Variants in FDXR observed in about 807,000 individuals in gnomAD.
The protein encoded by FDXR is ferredoxin reductase.
A neutral mutation model predicts 58.3 loss-of-function variants in FDXR; 38 were observed. The observed-to-expected ratio is 0.65, with a 90% CI of 0.50 to 0.85. FDXR has a LOEUF of 0.85. Among genes scored for constraint, FDXR ranks in the 40% least tolerant of loss-of-function variants. FDXR has a pLI of 0.00. For synonymous variants in FDXR, 275 were observed against 273.8 expected (o/e 1.00, Z -0.04); for missense variants, 624 against 671.0 (o/e 0.93, Z 0.77).
chr17:74,870,194 G>A (rs1282348936), intron 2 of FDXR: 2 of 283,858 alleles, frequency 7.0e-6, no homozygotes, highest in Admixed American at 3.7e-5. Flanking sequence ...GCATGTGCAC[G>A]TGTCTGCCAG....
rs982489458 is a variant in FDXR, at chr17:74,863,921, C to T, written c.1149G>A (p.Val383=). Residue 383 remains valine, a synonymous_variant, in exon 10 of 12, where the codon GTG becomes GTA. Transcript: ENST00000293195. ...FDSKLGVIPN[V]EGRVMDVPGL... ...CTGGCACATCCATAACCCGGCCCTC[C>T]ACATTGGGGATGACCCCAAGCTTGG... 2 of 1,613,714 alleles carry T rather than the reference C, an allele frequency of 1.2e-6. No individual in the cohort carries two copies. The highest frequency in any genetic ancestry group is 1.7e-6 in the Non-Finnish European group (2 of 1,179,776).
chr17:74,872,707 C>A, intron 1 of FDXR, 159 bp downstream of exon 1: 1 of 1,469,506 alleles, frequency 6.8e-7, no homozygotes, highest in Admixed American at 2.2e-5. Context: ...ACGCACAGAT[C>A]TCCGCCCACC....
At position 74,866,547 on chromosome 17, in the gene FDXR, G is replaced by A; in HGVS notation, c.292C>T (p.Gln98Ter). 2 of 1,613,622 alleles carry A rather than the reference G, an allele frequency of 1.2e-6. No homozygotes were observed. Among genetic ancestry groups the A allele is most frequent in the Non-Finnish European group, 1.7e-6 (2 of 1,180,024 alleles). The change falls in exon 4 of 12, where the codon CAG becomes TAG. Residue 98 changes from glutamine to a stop codon, truncating the protein, a stop_gained. Transcript: ENST00000293195. LOFTEE classifies it high-confidence loss of function. ...EVKNVINTFT[Q>*]TAHSGRCAFW... is the part of the protein sequence containing the mutation. The stretch of plus-strand genomic sequence containing the variant: ...GCACAGCGGCCAGAATGGGCCGTCT[G>A]GGTAAATGTGTTGATGACATTCTGC...
At chr17:74,863,315 C>CCCCCG in intron 10 of FDXR, 69 bp from the exon 11 acceptor site, 1 of 1,412,938 alleles carries the variant, frequency 7.1e-7, no homozygotes, top group Non-Finnish European at 9.6e-7. Context: ...CCTGTGCCCA[C>CCCCCG]AATCTACACC....
At position 74,862,701 on chromosome 17, in the gene FDXR, T is replaced by G; in HGVS notation, c.*116A>C. The G allele has an allele frequency of 7.2e-7, 1 of 1,396,594 alleles. No individual in the cohort carries two copies. The highest frequency in any genetic ancestry group is 2.4e-5 in the East Asian group (1 of 42,108). The allele number at this position is 1,396,594 out of a possible 1,614,324, so 86.5% of individuals were successfully genotyped here. ...GAGACGCTGGAAGAGCAGCCAAGCC[T>G]CCAAGCCAGGGCCGGCCGGGATCAG... On this transcript the variant is annotated 3_prime_UTR_variant, in exon 12 of 12. Transcript: ENST00000293195.
rs769231215 is a variant in FDXR at position 74,864,587 on chromosome 17, G to T, written c.718-23C>A. 8.1e-6 allele frequency: 13 copies of T among 1,603,406 alleles called. No individual in the cohort carries two copies. In the East Asian group the frequency reaches 2.2e-4, roughly 28 times the overall value. On this transcript the variant is annotated intron_variant, in intron 7 of 11. Transcript: ENST00000293195. ...CTCCTTGAAGGTGGGAGCAGGGAATGGGGGAGGAGGTCAGGCCCAGAACAC... is the reference window on the plus strand; with the variant it reads ...CTCCTTGAAGGTGGGAGCAGGGAATTGGGGAGGAGGTCAGGCCCAGAACAC...
At chr17:74,864,645 A>G in intron 7 of FDXR, 81 bp from the exon 8 acceptor site, 1 of 1,452,114 alleles carries the variant, frequency 6.9e-7, no homozygotes. Flanking sequence ...GGTCCAGCCC[A>G]GGCAGGAGAG....
intron 1 of FDXR, chr17:74,872,656 T>C (rs2038412107): frequency 8.9e-7 from 1 of 1,119,286 alleles, no homozygotes; most frequent in Admixed American, 2.7e-5. Context: ...CCTTTTCACC[T>C]TTGTTGACCT....
Position 74,862,646 on chromosome 17 carries a change from C to A in FDXR, c.*171G>T. 1 of 926,970 alleles carries A rather than the reference C, an allele frequency of 1.1e-6. No individual in the cohort carries two copies. 57.4% of individuals were successfully genotyped at this position (926,970 alleles called of 1,614,324 possible). A position where few individuals can be genotyped will look rare whatever the true frequency, so the allele number is the denominator to read the frequency against. Reference sequence around the variant, plus strand: ...AGTTGCTGAAAGCTAAAACCTTGCGCGCAAGGGCGACCTTCCCCAGGAGGG... The same window carrying A: ...AGTTGCTGAAAGCTAAAACCTTGCGAGCAAGGGCGACCTTCCCCAGGAGGG... On this transcript the variant is annotated 3_prime_UTR_variant, in exon 12 of 12. Coordinates refer to ENST00000293195, the MANE Select transcript of FDXR (RefSeq NM_024417.5).
At chr17:74,864,377 G>A (rs1198446716) in intron 8 of FDXR, 30 bp from the exon 9 acceptor site, 7 of 1,589,282 alleles carry the variant, frequency 4.4e-6, no homozygotes, top group Non-Finnish European at 6.0e-6. Context: ...TCTCCAGGCT[G>A]TCCCTGGGCC....
chr17:74,869,919 G>A (rs2038316057), intron 2 of FDXR: 2 of 446,670 alleles, frequency 4.5e-6, no homozygotes, highest in Non-Finnish European at 4.6e-6. Flanking sequence ...GTGGAAGCTT[G>A]GACAACCTCA....
Position 74,864,167 on chromosome 17 carries a change from A to C in FDXR, c.983T>G (p.Leu328Arg). The change falls in exon 9 of 12, where the codon CTA (leucine) becomes CGA (arginine). Residue 328 changes from leucine (L) to arginine (R), a missense_variant. Physicochemically the swap from Leu to Arg is moderately radical, Grantham distance 102 (BLOSUM62 -2). Transcript: ENST00000293195. The stretch of plus-strand genomic sequence containing the variant: ...ACTCACCTCCAGTCTAGTGACTGCT[A>C]GGCGGACACCTGCTGCCCGCCGCCC... ...PDGRRAAGVR[L>R]AVTRLEGVDE... 1.2e-6 allele frequency: 2 copies of C among 1,612,768 alleles called. No individual in the cohort carries two copies. Among genetic ancestry groups the C allele is most frequent in the Non-Finnish European group, 1.7e-6 (2 of 1,179,994 alleles).
At chr17:74,872,818 C>G in intron 1 of FDXR, 48 bp downstream of exon 1, 1 of 1,542,346 alleles carries the variant, frequency 6.5e-7, no homozygotes, top group East Asian at 2.4e-5. Flanking sequence ...TCAGCGCTCG[C>G]AGGCCTCCCC....
intron 2 of FDXR, among the ~76,000 whole-genome samples, chr17:74,870,390 G>A (rs917427246): frequency 2.0e-5 from 3 of 152,038 alleles, no homozygotes; most frequent in South Asian, 2.1e-4. Context: ...GGTGGAGTGC[G>A]CCTGTAATCC....
chr17:74,866,479 C>T lies in FDXR; in HGVS notation c.360G>A (p.Pro120=), dbSNP rs146885267. The change falls in exon 4 of 12, where the codon CCG becomes CCA. Residue 120 remains proline (P), a synonymous_variant. Coordinates refer to ENST00000293195, the MANE Select transcript of FDXR (RefSeq NM_024417.5). ...CAGCGTGGTAGGCCTCCTGCAGCTC[C>T]GGCACCGTCACGTCCCTGCCCACCT... is the stretch of plus-strand genomic sequence containing the variant. ...NVEVGRDVTV[P]ELQEAYHAVV... 3.0e-4 allele frequency: 481 copies of T among 1,613,418 alleles called. 1 individual carries two copies. The highest frequency in any genetic ancestry group is 3.2e-4 in the Non-Finnish European group (381 of 1,179,928).
intron 2 of FDXR, among the ~76,000 whole-genome samples, chr17:74,870,435 T>C (rs546187978): frequency 1.0e-4 from 14 of 137,904 alleles, no homozygotes; most frequent in Admixed American, 1.7e-4. Flanking sequence ...GAGAATCGCT[T>C]GAACTTGGGA....
At chr17:74,865,057 C>A in intron 6 of FDXR, 126 bp from the exon 7 acceptor site, 1 of 1,345,218 alleles carries the variant, frequency 7.4e-7, no homozygotes, top group Non-Finnish European at 1.0e-6. Context: ...ACTGCTCCCC[C>A]CTGGTGGCCA....
rs781227188 is a variant in FDXR at position 74,866,916 on chromosome 17, G to C, written c.178-40C>G. ...GGTGGCAGCTGGTGGGGCCGAGAGA[G>C]AGAGGCTGGGACGCCCCCAGGTCCT... On this transcript the variant is annotated intron_variant, in intron 2 of 11. Coordinates refer to ENST00000293195, the MANE Select transcript of FDXR (RefSeq NM_024417.5). 1.9e-6 allele frequency: 3 copies of C among 1,598,198 alleles called. No individual in the cohort carries two copies. In the Admixed American group the frequency reaches 5.2e-5, roughly 28 times the overall value.
Position 74,862,733 on chromosome 17 carries a change from T to G in FDXR, c.*84A>C. On this transcript the variant is annotated 3_prime_UTR_variant, in exon 12 of 12. Transcript: ENST00000293195. The stretch of plus-strand genomic sequence containing the variant: ...CAGGGCCGGCCGGGATCAGCAGAGG[T>G]GCAAAGTCCCACTCAGACGGACCCA... The G allele has an allele frequency of 2.0e-6, 3 of 1,491,218 alleles. No individual in the cohort carries two copies. Among genetic ancestry groups the G allele is most frequent in the Non-Finnish European group, 1.8e-6 (2 of 1,118,562 alleles). 92.4% of individuals were successfully genotyped at this position (1,491,218 alleles called of 1,614,324 possible).
Sources: gnomAD v4.1 joint callset for allele counts (sites outside exome capture counted in the v4.1 genomes callset) on GRCh38, gnomAD v4.1.1 for gene constraint, MANE v1.5 for transcripts, NCBI Gene and HGNC (gene_info 2026-07-23, HGNC 2026-07-21) for gene names.